NEK10: variants seen among roughly 807,000 people sequenced by gnomAD.
NEK10 encodes the protein NIMA related kinase 10, also known as serine/threonine-protein kinase Nek10.
NEK10 carries 122 observed loss-of-function variants against 159.8 expected under a neutral mutation model. The observed-to-expected ratio is 0.76, with a 90% CI of 0.66 to 0.89. The LOEUF (loss-of-function observed/expected upper bound fraction) is 0.89. Ranked by LOEUF, NEK10 falls within the 40% of genes least tolerant of loss-of-function variation. The probability of loss-of-function intolerance (pLI) is 0.00; values close to 1 mark genes in which losing one functional copy is unlikely to be tolerated. For synonymous variants in NEK10, 466 were observed against 457.1 expected, an observed-to-expected ratio of 1.02 and a Z score of -0.25; for missense variants, 1,342 against 1,323.1, an observed-to-expected ratio of 1.01 and a Z score of -0.22.
intron 6 of NEK10, among the ~76,000 whole-genome samples, chr3:27,319,903 A>G (rs2045494266): frequency 6.6e-6 from 1 of 152,166 alleles, no homozygotes; most frequent in Non-Finnish European, 1.5e-5. Flanking sequence ...GGCTTGGAAG[A>G]GCCGCTATGG....
intron 30 of NEK10, among the ~76,000 whole-genome samples, chr3:27,146,984 T>C (rs1453428885): frequency 6.6e-6 from 1 of 152,122 alleles, no homozygotes; most frequent in East Asian, 1.9e-4. Context: ...CCATACACGA[T>C]GGTGAGAAAC....
At chr3:27,300,538 C>T (rs2043729797) in intron 13 of NEK10, among the ~76,000 whole-genome samples, 1 of 152,154 alleles carries the variant, frequency 6.6e-6, no homozygotes, top group African/African-American at 2.4e-5. Context: ...AAGTGTAAGG[C>T]TCAATGAGAT....
chr3:27,227,642 A>G (rs1575351463), intron 23 of NEK10, among the ~76,000 whole-genome samples: 1 of 152,234 alleles, frequency 6.6e-6, no homozygotes, highest in Non-Finnish European at 1.5e-5. Flanking sequence ...TGATTCCATC[A>G]TAACACACAT....
chr3:27,198,585 T>A (rs964506108), intron 25 of NEK10, among the ~76,000 whole-genome samples: 1 of 152,136 alleles, frequency 6.6e-6, no homozygotes, highest in Non-Finnish European at 1.5e-5. Context: ...GCTAGCCAGT[T>A]GCAGAAAACT....
At chr3:27,128,695 C>T (rs1276147223) in intron 32 of NEK10, among the ~76,000 whole-genome samples, 1 of 151,480 alleles carries the variant, frequency 6.6e-6, no homozygotes, top group Non-Finnish European at 1.5e-5. Flanking sequence ...TTAATGCTTT[C>T]AATTTATTAT....
intron 13 of NEK10, 25 bp downstream of exon 13, chr3:27,301,671 A>G (rs970586511): frequency 2.1e-6 from 3 of 1,442,032 alleles, no homozygotes; most frequent in African/African-American, 2.8e-5. Flanking sequence ...AAATTATAGC[A>G]TATCAAATAA....
At chr3:27,271,839 A>G (rs975286681) in intron 22 of NEK10, among the ~76,000 whole-genome samples, 2 of 149,432 alleles carry the variant, frequency 1.3e-5, no homozygotes, top group Non-Finnish European at 3.0e-5. Flanking sequence ...AACATTTTGC[A>G]TACAGCACAT....
At position 27,192,508 on chromosome 3, in the gene NEK10, C is replaced by T. The variant is rs941970566; in HGVS notation, c.2292-266G>A. On this transcript the variant is annotated intron_variant, in intron 25 of 35. Transcript: ENST00000691995. The stretch of plus-strand genomic sequence containing the variant: ...GTTCCAGGCTGAGCATGAAGATGCT[C>T]TTCGGGTCTCAGGATGGGCAGATGG... 2.0e-5 allele frequency among the ~76,000 whole-genome samples: 3 copies of T among 151,064 alleles called. No homozygotes were observed. The East Asian group carries it at 5.9e-4, about 30-fold the overall frequency.
intron 32 of NEK10, 43 bp downstream of exon 32, chr3:27,131,837 T>A: frequency 9.3e-7 from 1 of 1,074,256 alleles, no homozygotes. Flanking sequence ...TCTTATGATG[T>A]GGTTTTGTCA....
At chr3:27,139,337 C>T (rs964773196) in intron 31 of NEK10, among the ~76,000 whole-genome samples, 2 of 152,072 alleles carry the variant, frequency 1.3e-5, no homozygotes, top group Admixed American at 6.5e-5. Context: ...CTATGATAAC[C>T]TCATCTAGGA....
At chr3:27,137,010 G>A (rs1943288371) in intron 31 of NEK10, among the ~76,000 whole-genome samples, 1 of 152,302 alleles carries the variant, frequency 6.6e-6, no homozygotes, top group South Asian at 2.1e-4. Context: ...AATTAGCAAA[G>A]TAACTGATCT....
At chr3:27,283,013 T>C (rs1354355563) in intron 22 of NEK10, among the ~76,000 whole-genome samples, 1 of 152,136 alleles carries the variant, frequency 6.6e-6, no homozygotes, top group East Asian at 1.9e-4. Flanking sequence ...CTTCGAAATA[T>C]TTCCAAGTAG....
intron 5 of NEK10, among the ~76,000 whole-genome samples, chr3:27,336,139 G>T (rs895033146): frequency 6.6e-6 from 1 of 151,772 alleles, no homozygotes; most frequent in African/African-American, 2.4e-5. Context: ...GAAAGACCCA[G>T]ACCAAAATCA....
intron 23 of NEK10, among the ~76,000 whole-genome samples, chr3:27,204,060 C>T (rs1490069605): frequency 1.3e-5 from 2 of 152,048 alleles, no homozygotes; most frequent in Non-Finnish European, 2.9e-5. Context: ...TTTGGCTCCC[C>T]ACAGACAAAT....
chr3:27,357,679 C>A (rs905965430), intron 1 of NEK10, among the ~76,000 whole-genome samples: 2 of 152,150 alleles, frequency 1.3e-5, no homozygotes, highest in Non-Finnish European at 2.9e-5. Flanking sequence ...TGCTCATGGA[C>A]CAGTGACACA....
At chr3:27,349,332 A>G (rs572433734) in intron 3 of NEK10, among the ~76,000 whole-genome samples, 1 of 152,122 alleles carries the variant, frequency 6.6e-6, no homozygotes, top group East Asian at 1.9e-4. Flanking sequence ...CTTTCTATCA[A>G]TTCCACTGAC....
chr3:27,162,519 C>G (rs752927219), intron 30 of NEK10, 182 bp downstream of exon 30: 1 of 1,614,154 alleles, frequency 6.2e-7, no homozygotes, highest in South Asian at 1.1e-5. Context: ...GCCACCCTGT[C>G]ACTAACTCAG....
At chr3:27,260,298 A>T (rs191461760) in intron 22 of NEK10, among the ~76,000 whole-genome samples, 1 of 152,162 alleles carries the variant, frequency 6.6e-6, no homozygotes, top group African/African-American at 2.4e-5. Flanking sequence ...GTCTTGTGCC[A>T]GTTTTCAAAG....
intron 23 of NEK10, chr3:27,216,241 A>C (rs572414841): frequency 5.0e-4 from 109 of 216,982 alleles, no homozygotes; most frequent in African/African-American, 2.4e-3. Context: ...TAATAGTCAA[A>C]GAAAAGACAA....
Sources: allele counts gnomAD v4.1 joint callset (sites outside exome capture counted in the v4.1 genomes callset), GRCh38; gene constraint gnomAD v4.1.1; transcripts MANE v1.5; gene names NCBI Gene and HGNC (gene_info 2026-07-23, HGNC 2026-07-21).